DYNC1LI1: variants seen among roughly 807,000 people sequenced by gnomAD.
DYNC1LI1 encodes the protein cytoplasmic dynein 1 light intermediate chain 1.
In DYNC1LI1, 19 loss-of-function variants were observed where a neutral mutation model predicts 63.8. The observed-to-expected ratio is 0.30, with a 90% CI of 0.21 to 0.44. The LOEUF is 0.44. Among genes scored for constraint, DYNC1LI1 ranks in the 20% least tolerant of loss-of-function variants. The pLI is 1.00. For missense variants in DYNC1LI1, 565 were observed against 630.2 expected, an observed-to-expected ratio of 0.90 and a Z score of 1.11; for synonymous variants, 225 against 232.3, an observed-to-expected ratio of 0.97 and a Z score of 0.28.
chr3:32,528,578 G>A lies in DYNC1LI1; in HGVS notation c.1330C>T (p.Leu444=), dbSNP rs749524160. The change falls in exon 12 of 13, where the codon CTG becomes TTG. Residue 444 remains leucine (L), a synonymous_variant. Transcript: ENST00000273130. ...AACAAACTGTTGAAGAAATTTGCCA[G>A]AACGCCTTCACTTGTAGCTCCAGCT... ...MKAGATSEGV[L]ANFFNSLLSK... is the part of the protein sequence containing the mutation. The A allele has an allele frequency of 1.2e-6, 2 of 1,611,946 alleles. No individual in the cohort carries two copies. Among genetic ancestry groups the A allele is most frequent in the Middle Eastern group, 1.7e-4 (1 of 6,048 alleles).
chr3:32,533,516 A>C (rs1278020099), intron 7 of DYNC1LI1, among the ~76,000 whole-genome samples: 3 of 151,858 alleles, frequency 2.0e-5, no homozygotes, highest in African/African-American at 7.3e-5. Context: ...ATTAGTGTTA[A>C]CTTGGGGGAA....
intron 12 of DYNC1LI1, among the ~76,000 whole-genome samples, chr3:32,528,112 C>CAAAAAAAAAAAAAAAA (rs60912161): frequency 2.3e-4 from 7 of 29,902 alleles, no homozygotes; most frequent in Non-Finnish European, 3.8e-4. Context: ...GACTCCATCT[C>CAAAAAAAAAAAAAAAA]AAAAAAAAAA....
intron 2 of DYNC1LI1, among the ~76,000 whole-genome samples, chr3:32,551,396 G>A (rs342727): frequency 0.56 from 84,558 of 151,942 alleles, 23,971 homozygotes; most frequent in African/African-American, 0.65. Flanking sequence ...GAATGCATGA[G>A]ATTTAGGATG....
intron 2 of DYNC1LI1, among the ~76,000 whole-genome samples, chr3:32,562,312 G>A (rs964172472): frequency 4.6e-5 from 7 of 152,068 alleles, no homozygotes; most frequent in East Asian, 3.8e-4. Context: ...TTACCTCTAC[G>A]TGGTAGGATC....
chr3:32,533,065 C>G lies in DYNC1LI1; in HGVS notation c.1001G>C (p.Gly334Ala), dbSNP rs1399336165. 6.2e-7 allele frequency: 1 copy of G among 1,602,940 alleles called. No individual in the cohort carries two copies. The highest frequency in any genetic ancestry group is 1.7e-5 in the Admixed American group (1 of 57,632). The change falls in exon 8 of 13, where the codon GGA becomes GCA. Residue 334 changes from glycine (G) to alanine (A), a missense_variant. Gly to Ala is a moderately conservative substitution (Grantham distance 60). Transcript: ENST00000273130. ...PAGWDNDKKI[G>A]ILHENFQTLK... ...TGTTTGAAAATTTTCATGTAATATT[C>G]CTATTTTCTTATCATTATCCCACCC...
intron 2 of DYNC1LI1, among the ~76,000 whole-genome samples, chr3:32,557,898 T>C (rs1454351717): frequency 1.3e-5 from 2 of 152,220 alleles, no homozygotes; most frequent in East Asian, 1.9e-4. Context: ...TCAAACAGAC[T>C]GGATGAAAGC....
At chr3:32,529,174 A>T (rs1697662356) in intron 11 of DYNC1LI1, among the ~76,000 whole-genome samples, 1 of 152,222 alleles carries the variant, frequency 6.6e-6, no homozygotes, top group South Asian at 2.1e-4. Context: ...ATAAAAACAT[A>T]AACTCTTTGA....
Position 32,526,795 on chromosome 3 carries a change from A to G in DYNC1LI1, c.*4T>C. ...AACAGAATAAATGGCTTTATTTGGTATCTTCAAGAAGCTTCTCCTTCCGTA... is the reference window on the plus strand; with the variant it reads ...AACAGAATAAATGGCTTTATTTGGTGTCTTCAAGAAGCTTCTCCTTCCGTA... On this transcript the variant is annotated 3_prime_UTR_variant, in exon 13 of 13. Transcript: ENST00000273130. The G allele has an allele frequency of 6.3e-7, 1 of 1,593,836 alleles. No individual in the cohort carries two copies. The highest frequency in any genetic ancestry group is 8.6e-7 in the Non-Finnish European group (1 of 1,162,346).
chr3:32,570,702 G>A lies in DYNC1LI1; in HGVS notation c.69C>T (p.Gly23=). ...SPPGLSSTYT[G]GPLGNEIASG... ...ACGCTATCTCGTTGCCCAAGGGGCC[G>A]CCAGTGTAAGTCGAGGATAATCCCG... Residue 23 remains glycine (G), a synonymous_variant, in exon 1 of 13, where the codon GGC becomes GGT. Coordinates refer to ENST00000273130, the MANE Select transcript of DYNC1LI1 (RefSeq NM_016141.4). 6.2e-7 allele frequency: 1 copy of A among 1,609,048 alleles called. No homozygotes were observed. The highest frequency in any genetic ancestry group is 8.5e-7 in the Non-Finnish European group (1 of 1,177,832).
At chr3:32,568,171 C>G (rs766234576) in intron 2 of DYNC1LI1, among the ~76,000 whole-genome samples, 7 of 152,116 alleles carry the variant, frequency 4.6e-5, no homozygotes, top group Non-Finnish European at 8.8e-5. Flanking sequence ...ACTCCAGAGA[C>G]CACTTGCATT....
chr3:32,538,015 AT>A (rs1312926295), intron 5 of DYNC1LI1, among the ~76,000 whole-genome samples: 1 of 36,952 alleles, frequency 2.7e-5, no homozygotes, highest in Non-Finnish European at 4.1e-5. Flanking sequence ...TATAATATAT[AT>A]ATATAATTTA....
At chr3:32,532,842 ATTAGAAACACACCAAAATTATAC>A in intron 8 of DYNC1LI1, 121 bp downstream of exon 8, 4 of 1,338,492 alleles carry the variant, frequency 3.0e-6, no homozygotes, top group Non-Finnish European at 3.8e-6. Flanking sequence ...TAAACTGTAC[ATTAGAAACACACCAAAATTATAC>A]TTAGAAACCC....
In DYNC1LI1 at chr3:32,534,658, G is replaced by T; in HGVS notation, c.833-12C>A. 3 of 1,508,644 alleles carry T rather than the reference G, an allele frequency of 2.0e-6. No individual in the cohort carries two copies. Among genetic ancestry groups the T allele is most frequent in the Non-Finnish European group, 2.7e-6 (3 of 1,131,778 alleles). The allele number at this position is 1,508,644 out of a possible 1,614,324, so 93.5% of individuals were successfully genotyped here. A position where few individuals can be genotyped will look rare whatever the true frequency, so the allele number is the denominator to read the frequency against. On this transcript the variant is annotated splice_polypyrimidine_tract_variant and intron_variant, in intron 6 of 12. Coordinates refer to ENST00000273130, the MANE Select transcript of DYNC1LI1 (RefSeq NM_016141.4). Reference sequence around the variant, plus strand: ...AAGTGCTGCACCATCTGAATAATATGGTTAAAGAAAAATTCTGGACAAATG... The same window carrying T: ...AAGTGCTGCACCATCTGAATAATATTGTTAAAGAAAAATTCTGGACAAATG...
Position 32,532,481 on chromosome 3 carries a change from ATG to A in DYNC1LI1, c.1080+503_1080+504del, listed in dbSNP as rs1553617326. On this transcript the variant is annotated intron_variant, in intron 8 of 12. Transcript: ENST00000273130. ...ACTCCATCTCAAAAAAAAAAAAAAA[ATG>A]TGTGTATATATATATATATATATAA... 3 of 120,346 alleles carry A rather than the reference ATG, an allele frequency of 2.5e-5. No homozygotes were observed. The Admixed American group carries it at 2.6e-4, about 11-fold the overall frequency. 7.5% of individuals were successfully genotyped at this position (120,346 alleles called of 1,614,324 possible). A position where few individuals can be genotyped will look rare whatever the true frequency, so the allele number is the denominator to read the frequency against.
intron 8 of DYNC1LI1, chr3:32,532,508 A>ATATATATATATATAT (rs1559434368): frequency 5.8e-4 from 73 of 124,936 alleles, no homozygotes; most frequent in African/African-American, 2.0e-3. Flanking sequence ...TATATATATA[A>ATATATATATATATAT]AATTGAAAGT....
rs138677120 is a variant in DYNC1LI1, at chr3:32,545,029, C to T, written c.415G>A (p.Val139Ile). ...ATAACTAGAGTATCCTTCAGAGATA[C>T]GGCATCCAGTGAAAATTTAAGGAGG... The part of the protein sequence containing the change: ...KGLLKFSLDA[V>I]SLKDTLVMLV... Residue 139 changes from valine to isoleucine, a missense_variant, in exon 4 of 13, where the codon GTA (valine) becomes ATA (isoleucine). By Grantham distance (29) the Val-to-Ile change is conservative. Transcript: ENST00000273130. The T allele has an allele frequency of 0.013, 21,320 of 1,613,866 alleles. 185 individuals are homozygous for T. The highest frequency in any genetic ancestry group is 0.025 in the South Asian group (2,262 of 91,070).
At chr3:32,545,631 A>G in intron 3 of DYNC1LI1, 1 of 510,072 alleles carries the variant, frequency 2.0e-6, no homozygotes, top group South Asian at 2.6e-5. Context: ...GGAAAGAAGT[A>G]TCTGCACACC....
chr3:32,562,223 A>AC (rs1337360567), intron 2 of DYNC1LI1, among the ~76,000 whole-genome samples: 1 of 152,208 alleles, frequency 6.6e-6, no homozygotes, highest in Non-Finnish European at 1.5e-5. Context: ...TGATTACACT[A>AC]CCGCACTCCA....
chr3:32,526,845 A>C lies in DYNC1LI1; in HGVS notation c.1526T>G (p.Val509Gly). ...AGGAGATGTAGGTGTTGTGGGAGAA[A>C]CTGTAACTGGTTTTCGTGTAATTCT... Reference protein sequence around the residue: ...LDRITRKPVTVSPTTPTSPTE... With the variant: ...LDRITRKPVTGSPTTPTSPTE... The change falls in exon 13 of 13, where the codon GTT (valine) becomes GGT (glycine). Residue 509 changes from valine to glycine, a missense_variant. Val to Gly is a moderately radical substitution (Grantham distance 109). Transcript: ENST00000273130. 6.2e-7 allele frequency: 1 copy of C among 1,614,064 alleles called. No individual in the cohort carries two copies. The highest frequency in any genetic ancestry group is 8.5e-7 in the Non-Finnish European group (1 of 1,179,936).
Sources: allele counts gnomAD v4.1 joint callset (sites outside exome capture counted in the v4.1 genomes callset), GRCh38; gene constraint gnomAD v4.1.1; transcripts MANE v1.5; gene names NCBI Gene and HGNC (gene_info 2026-07-23, HGNC 2026-07-21).